Variants in SHQ1 observed in about 807,000 individuals in gnomAD.
SHQ1 encodes the protein SHQ1, H/ACA ribonucleoprotein assembly factor.
In SHQ1, 49 loss-of-function variants were observed where a neutral mutation model predicts 53.8. That is an observed-to-expected ratio of 0.91 (90% confidence interval 0.72 to 1.16). The LOEUF is 1.16. Among genes scored for constraint, SHQ1 ranks in the 50% most tolerant of loss-of-function variants. SHQ1 has a pLI of 0.00. For missense variants in SHQ1, 738 were observed against 683.1 expected, an observed-to-expected ratio of 1.08 and a Z score of -0.90; for synonymous variants, 243 against 251.0, an observed-to-expected ratio of 0.97 and a Z score of 0.30.
At chr3:72,832,081 C>T (rs939726287) in intron 5 of SHQ1, among the ~76,000 whole-genome samples, 3 of 152,102 alleles carry the variant, frequency 2.0e-5, no homozygotes, top group African/African-American at 7.2e-5. Context: ...GTAATAGTCT[C>T]ATGAATTCAG....
downstream of SHQ1, among the ~76,000 whole-genome samples, chr3:72,744,988 GTATATT>G (rs1375719062): frequency 6.6e-6 from 1 of 150,506 alleles, no homozygotes; most frequent in African/African-American, 2.4e-5. Context: ...AGGATCTGAT[GTATATT>G]TATAATTTTA....
chr3:72,795,626 AG>A (rs1253448347), intron 9 of SHQ1: 4 of 152,202 alleles, frequency 2.6e-5, no homozygotes, highest in African/African-American at 7.2e-5. Flanking sequence ...TTTTAGAGGA[AG>A]GAGGGTGCAG....
At chr3:72,791,159 A>G (rs1706422631) in intron 10 of SHQ1, among the ~76,000 whole-genome samples, 1 of 152,248 alleles carries the variant, frequency 6.6e-6, no homozygotes, top group Non-Finnish European at 1.5e-5. Context: ...AATATTCATT[A>G]CATGTTTACA....
chr3:72,727,709 G>T, the SHQ1 span, among the ~76,000 whole-genome samples: 2 of 152,168 alleles, frequency 1.3e-5, no homozygotes, highest in Non-Finnish European at 2.9e-5. Flanking sequence ...ATGAAACAGT[G>T]GAGAAGAGGC....
intron 10 of SHQ1, among the ~76,000 whole-genome samples, chr3:72,778,645 C>T (rs1305395343): frequency 6.6e-6 from 1 of 151,988 alleles, no homozygotes; most frequent in Admixed American, 6.6e-5. Flanking sequence ...TACAAACATT[C>T]AAAAAACACA....
chr3:72,791,989 C>T (rs1706453416), intron 10 of SHQ1, among the ~76,000 whole-genome samples: 1 of 152,200 alleles, frequency 6.6e-6, no homozygotes, highest in Non-Finnish European at 1.5e-5. Flanking sequence ...TACTATGTTT[C>T]TTTGATTGAC....
At chr3:72,802,231 T>C (rs1706809571) in intron 9 of SHQ1, among the ~76,000 whole-genome samples, 1 of 152,216 alleles carries the variant, frequency 6.6e-6, no homozygotes, top group African/African-American at 2.4e-5. Flanking sequence ...CACATATTCC[T>C]TCCTCCTCGG....
intron 10 of SHQ1, among the ~76,000 whole-genome samples, chr3:72,789,638 A>G (rs1706374816): frequency 6.6e-6 from 1 of 152,268 alleles, no homozygotes; most frequent in Non-Finnish European, 1.5e-5. Flanking sequence ...ATCCGGTCTA[A>G]TAGGTATCAT....
the SHQ1 span, among the ~76,000 whole-genome samples, chr3:72,734,255 T>C: frequency 6.6e-6 from 1 of 151,088 alleles, no homozygotes; most frequent in East Asian, 1.9e-4. Context: ...TTTTATTTTA[T>C]TTATTTATTT....
At chr3:72,828,451 T>C (rs1199403651) in intron 5 of SHQ1, among the ~76,000 whole-genome samples, 3 of 152,088 alleles carry the variant, frequency 2.0e-5, no homozygotes, top group Admixed American at 1.3e-4. Flanking sequence ...TCCCAACACT[T>C]TGGGAGGCCA....
At chr3:72,758,639 G>A (rs540422820) in intron 10 of SHQ1, among the ~76,000 whole-genome samples, 4 of 143,780 alleles carry the variant, frequency 2.8e-5, no homozygotes, top group South Asian at 2.1e-4. Context: ...GCACGATCTC[G>A]GCTCACTGCA....
chr3:72,772,485 ACAGATGCATCTGGACCCT>A, intron 10 of SHQ1: 3 of 522,474 alleles, frequency 5.7e-6, no homozygotes, highest in Non-Finnish European at 1.1e-5. Context: ...AAATGCACAT[ACAGATGCATCTGGACCCT>A]CAGACAGTGA....
chr3:72,840,802 T>G (rs1301046800), intron 4 of SHQ1, among the ~76,000 whole-genome samples: 1 of 152,050 alleles, frequency 6.6e-6, no homozygotes, highest in African/African-American at 2.4e-5. Context: ...ATGTCTAGAA[T>G]ACTGAATAAA....
chr3:72,772,777 G>A (rs868309651), intron 10 of SHQ1: 4 of 759,166 alleles, frequency 5.3e-6, no homozygotes, highest in Non-Finnish European at 7.4e-6. Flanking sequence ...AAAAAGTCCT[G>A]ATGATGATCT....
chr3:72,841,185 G>C lies in SHQ1; in HGVS notation c.346C>G (p.Pro116Ala). 1 of 1,612,182 alleles carries C rather than the reference G, an allele frequency of 6.2e-7. No homozygotes were observed. Among genetic ancestry groups the C allele is most frequent in the East Asian group, 2.2e-5 (1 of 44,824 alleles). Residue 116 changes from proline (P) to alanine (A), a missense_variant, in exon 4 of 11, where the codon CCT becomes GCT. By Grantham distance (27) the Pro-to-Ala change is conservative. Transcript: ENST00000325599. ...TCTTCATCGTCAACTACTTCCTCAG[G>C]AATCTCAGAAGCACCTGAATGTGTT... ...LVEEIGASEIPEEVVDDEEFD... is the reference protein window; with the variant it reads ...LVEEIGASEIAEEVVDDEEFD...
intron 6 of SHQ1, among the ~76,000 whole-genome samples, chr3:72,822,547 A>G (rs1464053427): frequency 6.6e-6 from 1 of 152,190 alleles, no homozygotes; most frequent in Non-Finnish European, 1.5e-5. Flanking sequence ...TTTTAGGGCA[A>G]CTAGCTCACC....
the SHQ1 span, among the ~76,000 whole-genome samples, chr3:72,741,784 A>G: frequency 1.3e-5 from 2 of 152,094 alleles, no homozygotes; most frequent in Admixed American, 1.3e-4. Flanking sequence ...ACTTCAACCA[A>G]CCACAGACTG....
downstream of SHQ1, among the ~76,000 whole-genome samples, chr3:72,746,001 C>G (rs1476754313): frequency 6.6e-6 from 1 of 152,066 alleles, no homozygotes; most frequent in African/African-American, 2.4e-5. Context: ...CCACCACCCC[C>G]AGGTAAGTTG....
intron 10 of SHQ1, among the ~76,000 whole-genome samples, chr3:72,786,817 A>T (rs1318195946): frequency 2.6e-5 from 4 of 152,204 alleles, no homozygotes; most frequent in Non-Finnish European, 4.4e-5. Flanking sequence ...TTGAAAAAAA[A>T]TACATGACTC....
Sources: allele counts gnomAD v4.1 joint callset (sites outside exome capture counted in the v4.1 genomes callset), GRCh38; gene constraint gnomAD v4.1.1; transcripts MANE v1.5; gene names NCBI Gene and HGNC (gene_info 2026-07-23, HGNC 2026-07-21).